Variants in ERC2 observed in about 807,000 individuals in gnomAD.
ERC2 encodes the protein ELKS/RAB6-interacting/CAST family member 2.
In ERC2, 42 loss-of-function variants were observed where a neutral mutation model predicts 114.8. The ratio of observed to expected loss-of-function variants is 0.37; its 90% CI spans 0.29 to 0.47. The LOEUF (loss-of-function observed/expected upper bound fraction) is 0.47. Ranked by LOEUF, ERC2 falls within the 20% of genes least tolerant of loss-of-function variation. The pLI is 0.99. For synonymous variants in ERC2, 454 were observed against 425.5 expected (o/e 1.07, Z -0.82); for missense variants, 939 against 1,150.7 (o/e 0.82, Z 2.66).
chr3:56,271,146 A>G (rs1475044540), intron 3 of ERC2, among the ~76,000 whole-genome samples: 1 of 152,196 alleles, frequency 6.6e-6, no homozygotes, highest in African/African-American at 2.4e-5. Context: ...AGTGGTTCCC[A>G]CTTTATCCAT....
chr3:56,187,038 G>A (rs1001671008), intron 3 of ERC2, among the ~76,000 whole-genome samples: 24 of 152,188 alleles, frequency 1.6e-4, no homozygotes, highest in African/African-American at 5.8e-4. Context: ...AGAGAAGACA[G>A]GGAAGTTAAG....
Position 55,937,280 on chromosome 3 carries a change from C to T in ERC2, c.2403+13145G>A, listed in dbSNP as rs373875156. Reference sequence around the variant, plus strand: ...AGGCGAATCACTTGAACCTGGGAGGCGGAGGTTGCAGTGAGCCAAGATCAC... The same window carrying T: ...AGGCGAATCACTTGAACCTGGGAGGTGGAGGTTGCAGTGAGCCAAGATCAC... On this transcript the variant is annotated intron_variant, in intron 13 of 17. Coordinates refer to ENST00000288221, the MANE Select transcript of ERC2 (RefSeq NM_015576.3). Among the ~76,000 whole-genome samples the T allele has an allele frequency of 1.3e-3, 195 of 152,262 alleles. 2 individuals are homozygous for T. The highest frequency in any genetic ancestry group is 3.7e-3 in the African/African-American group (155 of 41,556).
intron 6 of ERC2, among the ~76,000 whole-genome samples, chr3:56,082,976 C>T (rs2077314713): frequency 6.6e-6 from 1 of 152,164 alleles, no homozygotes; most frequent in African/African-American, 2.4e-5. Context: ...TAAACCATCC[C>T]CCACACCCCA....
intron 2 of ERC2, among the ~76,000 whole-genome samples, chr3:56,337,376 G>C (rs1483791479): frequency 6.6e-6 from 1 of 152,156 alleles, no homozygotes; most frequent in Non-Finnish European, 1.5e-5. Context: ...GAGTCAAAGA[G>C]ATTGGACCCA....
At chr3:56,070,214 A>G (rs9813841) in intron 7 of ERC2, among the ~76,000 whole-genome samples, 17 of 152,222 alleles carry the variant, frequency 1.1e-4, no homozygotes, top group Non-Finnish European at 5.9e-5. Flanking sequence ...TCCCACATAA[A>G]TAAGGTTGAT....
Position 56,337,426 on chromosome 3 carries a change from C to G in ERC2, c.658-40991G>C, listed in dbSNP as rs770372486. 4.6e-5 allele frequency among the ~76,000 whole-genome samples: 7 copies of G among 152,116 alleles called. No homozygotes were observed. The South Asian group carries it at 8.3e-4, about 18-fold the overall frequency. On this transcript the variant is annotated intron_variant, in intron 2 of 17. Coordinates refer to ENST00000288221, the MANE Select transcript of ERC2 (RefSeq NM_015576.3). ...CTCCATCACATATGGGGTATGTAAC[C>G]GTAAGTACTCAACCTCAACCTAATC...
At position 55,999,385 on chromosome 3, in the gene ERC2, TCCTTTCGAC is replaced by T. The variant is rs2071853117; in HGVS notation, c.2062-7144_2062-7136del. ...TAAAAGGAGATAAAAAGTAAAAGGT[TCCTTTCGAC>T]CCTAGAAATAAAAATACTTGCAGAA... On this transcript the variant is annotated intron_variant, in intron 10 of 17. Transcript: ENST00000288221. Among the ~76,000 whole-genome samples the T allele has an allele frequency of 1.3e-5, 2 of 152,120 alleles. 1 individual carries two copies. The highest frequency in any genetic ancestry group is 4.1e-4 in the South Asian group (2 of 4,824).
chr3:55,947,828 T>C (rs1415492799), intron 13 of ERC2, among the ~76,000 whole-genome samples: 1 of 152,166 alleles, frequency 6.6e-6, no homozygotes, highest in African/African-American at 2.4e-5. Flanking sequence ...AACTGACACA[T>C]CTCTACCAAA....
At chr3:55,890,994 A>G (rs1421456929) in intron 13 of ERC2, among the ~76,000 whole-genome samples, 2 of 152,220 alleles carry the variant, frequency 1.3e-5, no homozygotes, top group South Asian at 2.1e-4. Flanking sequence ...TTAACATTCT[A>G]GAGAACTGAA....
chr3:55,618,351 T>C (rs1486220460), intron 17 of ERC2, among the ~76,000 whole-genome samples: 2 of 152,184 alleles, frequency 1.3e-5, no homozygotes, highest in African/African-American at 2.4e-5. Flanking sequence ...TCAATATTAA[T>C]GTGCAACTTC....
At chr3:56,420,702 G>A (rs1329024395) in intron 2 of ERC2, among the ~76,000 whole-genome samples, 5 of 151,086 alleles carry the variant, frequency 3.3e-5, no homozygotes, top group South Asian at 2.1e-4. Flanking sequence ...TGGCTAACAC[G>A]GTGAAACCCC....
intron 7 of ERC2, among the ~76,000 whole-genome samples, chr3:56,053,075 A>T (rs1284312246): frequency 6.6e-6 from 1 of 152,204 alleles, no homozygotes; most frequent in African/African-American, 2.4e-5. Context: ...CCACATGGCG[A>T]GGCAGCACCA....
chr3:56,281,797 C>T (rs1208825864), intron 3 of ERC2, among the ~76,000 whole-genome samples: 1 of 152,214 alleles, frequency 6.6e-6, no homozygotes, highest in East Asian at 1.9e-4. Context: ...CCATAACATT[C>T]TGAAGCAATT....
intron 15 of ERC2, among the ~76,000 whole-genome samples, chr3:55,719,077 G>A (rs1302647148): frequency 6.6e-6 from 1 of 152,170 alleles, no homozygotes; most frequent in Non-Finnish European, 1.5e-5. Flanking sequence ...GATTCAACAT[G>A]CCGAATTAAG....
At chr3:55,579,259 C>T (rs567154549) in intron 17 of ERC2, among the ~76,000 whole-genome samples, 17 of 152,226 alleles carry the variant, frequency 1.1e-4, no homozygotes, top group African/African-American at 3.6e-4. Flanking sequence ...ATGCATCATA[C>T]GCATTTTACC....
chr3:55,573,768 C>A (rs2056840779), intron 17 of ERC2, among the ~76,000 whole-genome samples: 1 of 152,052 alleles, frequency 6.6e-6, no homozygotes, highest in Non-Finnish European at 1.5e-5. Flanking sequence ...CTGCCACGTG[C>A]CTTCAGCCTA....
Position 56,027,361 on chromosome 3 carries a change from G to C in ERC2, c.1642-8330C>G, listed in dbSNP as rs200930406. Among the ~76,000 whole-genome samples the C allele has an allele frequency of 3.9e-5, 6 of 152,274 alleles. 1 individual carries two copies. The East Asian group carries it at 1.2e-3, about 29-fold the overall frequency. On this transcript the variant is annotated intron_variant, in intron 7 of 17. Transcript: ENST00000288221. ...CAGAGTGCAACTGCTGGGTTGAATG[G>C]AAGTTGTAATTTCTATTATATAAGA...
chr3:55,674,266 T>C (rs2148746460), intron 17 of ERC2, among the ~76,000 whole-genome samples: 1 of 152,300 alleles, frequency 6.6e-6, no homozygotes. Flanking sequence ...TATTTGAACT[T>C]GGTCTGTGAG....
At chr3:55,856,697 C>T (rs554630709) in intron 14 of ERC2, among the ~76,000 whole-genome samples, 6 of 152,036 alleles carry the variant, frequency 3.9e-5, no homozygotes, top group Admixed American at 1.3e-4. Flanking sequence ...AAACACATAT[C>T]CACATAAAAA....
Sources: gnomAD v4.1 joint callset for allele counts (sites outside exome capture counted in the v4.1 genomes callset) on GRCh38, gnomAD v4.1.1 for gene constraint, MANE v1.5 for transcripts, NCBI Gene and HGNC (gene_info 2026-07-23, HGNC 2026-07-21) for gene names.